The following ADAMTS9 variants were observed in gnomAD, a reference collection of about 807,000 sequenced individuals.
ADAMTS9 encodes the protein ADAM metallopeptidase with thrombospondin type 1 motif 9.
A neutral mutation model predicts 257.1 loss-of-function variants in ADAMTS9; 107 were observed. The ratio of observed to expected loss-of-function variants is 0.42; its 90% CI spans 0.36 to 0.49. The LOEUF is 0.49. Ranked by LOEUF, ADAMTS9 falls within the 20% of genes least tolerant of loss-of-function variation. The pLI is 0.03. For synonymous variants in ADAMTS9, 982 were observed against 880.9 expected (o/e 1.11, Z -2.03); for missense variants, 2,353 against 2,469.1 (o/e 0.95, Z 1.00).
intron 39 of ADAMTS9, among the ~76,000 whole-genome samples, chr3:64,517,416 G>GTTTTTTTTTTTTTGTTTTT (rs2082789833): frequency 3.8e-5 from 2 of 52,638 alleles, no homozygotes; most frequent in Non-Finnish European, 7.6e-5. Context: ...ATTAAAAATG[G>GTTTTTTTTTTTTTGTTTTT]TTTTTTTTTT....
intron 37 of ADAMTS9, among the ~76,000 whole-genome samples, chr3:64,534,099 A>C (rs2083016872): frequency 6.6e-6 from 1 of 152,198 alleles, no homozygotes; most frequent in Non-Finnish European, 1.5e-5. Context: ...ATTCCACATG[A>C]ACACTCCTGA....
intron 26 of ADAMTS9, among the ~76,000 whole-genome samples, chr3:64,598,642 T>C (rs1273495728): frequency 6.6e-6 from 1 of 152,172 alleles, no homozygotes; most frequent in African/African-American, 2.4e-5. Flanking sequence ...TTCCTACTTT[T>C]AAGCAGCTTA....
In ADAMTS9 at chr3:64,604,094, G is replaced by A. The variant is rs755469872; in HGVS notation, c.3580-5C>T. 1.2e-6 allele frequency: 2 copies of A among 1,613,690 alleles called. No individual in the cohort carries two copies. Among genetic ancestry groups the A allele is most frequent in the African/African-American group, 2.7e-5 (2 of 74,896 alleles). On this transcript the variant is annotated splice_polypyrimidine_tract_variant and splice_region_variant and intron_variant, in intron 24 of 39. Coordinates refer to ENST00000498707, the MANE Select transcript of ADAMTS9 (RefSeq NM_182920.2). ...TTTCCCACAAGTGGCTGAGCACTGG[G>A]TGTTGGAGTAAAATCATGCAGTTAT...
rs750141502 is a variant in ADAMTS9, at chr3:64,604,081, G to C, written c.3588C>G (p.Ala1196=). The C allele has an allele frequency of 1.2e-6, 2 of 1,614,024 alleles. No homozygotes were observed. Among genetic ancestry groups the C allele is most frequent in the Non-Finnish European group, 1.7e-6 (2 of 1,179,980 alleles). ...WRFGSWTPCS[A]TCGKGTRMRY... ...TCATCCGGGTACCTTTCCCACAAGT[G>C]GCTGAGCACTGGGTGTTGGAGTAAA... is the stretch of plus-strand genomic sequence containing the variant. The change falls in exon 25 of 40, where the codon GCC becomes GCG. Residue 1196 remains alanine (A), a synonymous_variant. Transcript: ENST00000498707.
intron 8 of ADAMTS9, 110 bp downstream of exon 8, chr3:64,654,243 A>T: frequency 9.3e-6 from 10 of 1,080,918 alleles, no homozygotes; most frequent in African/African-American, 1.6e-5. Context: ...CTCTACTATG[A>T]CTCGGGAAGT....
intron 28 of ADAMTS9, among the ~76,000 whole-genome samples, chr3:64,574,245 T>G (rs1488448622): frequency 1.3e-5 from 2 of 152,212 alleles, no homozygotes; most frequent in Non-Finnish European, 2.9e-5. Flanking sequence ...TACCTTTCAT[T>G]GTGTTCTTAT....
At chr3:64,680,144 G>A (rs1701718038) in intron 3 of ADAMTS9, among the ~76,000 whole-genome samples, 1 of 152,132 alleles carries the variant, frequency 6.6e-6, no homozygotes. Flanking sequence ...GGAGAGAATA[G>A]GACACCACAT....
rs753632018 is a variant in ADAMTS9 at position 64,622,590 on chromosome 3, T to C, written c.2390-4A>G. On this transcript the variant is annotated splice_polypyrimidine_tract_variant and splice_region_variant and intron_variant, in intron 16 of 39. Transcript: ENST00000498707. ...TCACCTTTACTGCTTGATAAAGCTGTAGGTGAAGAAACAGAATAATACATT... is the reference window on the plus strand; with the variant it reads ...TCACCTTTACTGCTTGATAAAGCTGCAGGTGAAGAAACAGAATAATACATT... 2 of 1,613,720 alleles carry C rather than the reference T, an allele frequency of 1.2e-6. No homozygotes were observed. The highest frequency in any genetic ancestry group is 1.1e-5 in the South Asian group (1 of 91,072).
At chr3:64,645,143 A>T (rs1338020792) in intron 11 of ADAMTS9, among the ~76,000 whole-genome samples, 1 of 152,240 alleles carries the variant, frequency 6.6e-6, no homozygotes, top group African/African-American at 2.4e-5. Flanking sequence ...CTATTACATT[A>T]TAACAAAACA....
intron 27 of ADAMTS9, among the ~76,000 whole-genome samples, chr3:64,595,666 A>G (rs2106793031): frequency 6.6e-6 from 1 of 152,330 alleles, no homozygotes; most frequent in Admixed American, 6.5e-5. Context: ...ACTGTCAATG[A>G]AAGTCAACAA....
intron 12 of ADAMTS9, 34 bp downstream of exon 12, chr3:64,641,814 G>T: frequency 6.2e-7 from 1 of 1,607,238 alleles, no homozygotes; most frequent in South Asian, 1.1e-5. Flanking sequence ...TTCCTGCCAC[G>T]GCAGTAATAA....
intron 3 of ADAMTS9, among the ~76,000 whole-genome samples, chr3:64,664,409 C>T (rs978585368): frequency 3.3e-5 from 5 of 152,104 alleles, no homozygotes; most frequent in Admixed American, 6.5e-5. Flanking sequence ...AGGAGAAATC[C>T]GATACCTCTT....
intron 3 of ADAMTS9, among the ~76,000 whole-genome samples, chr3:64,670,309 T>C (rs1701456312): frequency 6.6e-6 from 1 of 152,228 alleles, no homozygotes; most frequent in Non-Finnish European, 1.5e-5. Context: ...GTACACTGGT[T>C]GGACATGGAG....
intron 30 of ADAMTS9, among the ~76,000 whole-genome samples, chr3:64,557,304 T>A (rs1038801562): frequency 6.6e-6 from 1 of 152,194 alleles, no homozygotes; most frequent in African/African-American, 2.4e-5. Context: ...CATGGCCCCA[T>A]ACGATCACAA....
chr3:64,622,253 C>A lies in ADAMTS9; in HGVS notation c.2631G>T (p.Gln877His). Residue 877 changes from glutamine (Q) to histidine (H), a missense_variant, in exon 18 of 40, where the codon CAG becomes CAT. Gln to His is a conservative substitution (Grantham distance 24). This residue lies in a region of ADAMTS9 where 1,402 missense variants were observed against 1,441.4 expected (regional missense o/e 0.97). Coordinates refer to ENST00000498707, the MANE Select transcript of ADAMTS9 (RefSeq NM_182920.2). Reference protein sequence around the residue: ...SFNIPIEDKPQQFYWNSHGPW... With the variant: ...SFNIPIEDKPHQFYWNSHGPW... The stretch of plus-strand genomic sequence containing the variant: ...GCCCATGACTGTTCCAGTAAAACTG[C>A]TGAGGTTTATCTTCAATTGGAATAT... 1 of 1,613,870 alleles carries A rather than the reference C, an allele frequency of 6.2e-7. No homozygotes were observed. Among genetic ancestry groups the A allele is most frequent in the Non-Finnish European group, 8.5e-7 (1 of 1,179,942 alleles).
intron 12 of ADAMTS9, 24 bp from the exon 13 acceptor site, chr3:64,633,903 G>GCA: frequency 1.9e-6 from 3 of 1,588,478 alleles, no homozygotes; most frequent in Non-Finnish European, 2.6e-6. Flanking sequence ...AATGTGAAGA[G>GCA]CACACACACT....
At chr3:64,659,205 T>C (rs1701163000) in intron 3 of ADAMTS9, among the ~76,000 whole-genome samples, 1 of 152,172 alleles carries the variant, frequency 6.6e-6, no homozygotes. Context: ...CGGTGGCCCA[T>C]GCCTGTAATC....
At chr3:64,627,334 G>A (rs1212627412) in intron 16 of ADAMTS9, among the ~76,000 whole-genome samples, 1 of 151,772 alleles carries the variant, frequency 6.6e-6, no homozygotes, top group African/African-American at 2.4e-5. Context: ...TTCCTCTTAC[G>A]ATCTGCCGTG....
chr3:64,641,877 T>C lies in ADAMTS9; in HGVS notation c.1827A>G (p.Lys609=), dbSNP rs1700652708. The change falls in exon 12 of 40, where the codon AAA becomes AAG. Residue 609 remains lysine (K), a synonymous_variant. Coordinates refer to ENST00000498707, the MANE Select transcript of ADAMTS9 (RefSeq NM_182920.2). Reference sequence around the variant, plus strand: ...GTCTGTTGCACTCTCGAATGGCTGTTTTGATGCCCCCTCCACATGTTCTGG... The same window carrying C: ...GTCTGTTGCACTCTCGAATGGCTGTCTTGATGCCCCCTCCACATGTTCTGG... ...TCSRTCGGGI[K]TAIRECNRPE... The C allele has an allele frequency of 6.2e-7, 1 of 1,614,166 alleles. No homozygotes were observed. Among genetic ancestry groups the C allele is most frequent in the Non-Finnish European group, 8.5e-7 (1 of 1,180,022 alleles).
Sources: allele counts gnomAD v4.1 joint callset (sites outside exome capture counted in the v4.1 genomes callset), GRCh38; gene constraint gnomAD v4.1.1; regional missense constraint gnomAD v4.1.1; transcripts MANE v1.5; gene names NCBI Gene and HGNC (gene_info 2026-07-23, HGNC 2026-07-21).